Variants in LRIF1 observed in about 807,000 individuals in gnomAD.
LRIF1 encodes ligand dependent nuclear receptor interacting factor 1, also known as ligand-dependent nuclear receptor-interacting factor 1.
LRIF1 carries 32 observed loss-of-function variants against 52.7 expected under a neutral mutation model. The ratio of observed to expected loss-of-function variants is 0.61; its 90% confidence interval spans 0.46 to 0.82. The LOEUF is 0.82. Ranked by LOEUF, LRIF1 falls within the 40% of genes least tolerant of loss-of-function variation. LRIF1 has a pLI of 0.00. For missense variants in LRIF1, 887 were observed against 892.0 expected (o/e 0.99, Z 0.07); for synonymous variants, 323 against 317.4 (o/e 1.02, Z -0.19).
At chr1:110,958,430 T>C (rs544688558) in intron 1 of LRIF1, among the ~76,000 whole-genome samples, 5 of 145,098 alleles carry the variant, frequency 3.4e-5, no homozygotes, top group African/African-American at 1.3e-4. Context: ...GCTTTCTTTA[T>C]TGACTTTAAT....
the LRIF1 span, among the ~76,000 whole-genome samples, chr1:110,882,260 G>A: frequency 3.3e-5 from 5 of 152,012 alleles, no homozygotes; most frequent in Admixed American, 2.0e-4. Context: ...CACTAGTTAC[G>A]ATTTCGTATG....
chr1:110,961,247 G>C (rs1658935743), intron 1 of LRIF1, among the ~76,000 whole-genome samples: 1 of 151,884 alleles, frequency 6.6e-6, no homozygotes, highest in Admixed American at 6.6e-5. Flanking sequence ...GTTTTCCCTG[G>C]CAACAGCCCA....
At chr1:110,956,243 TATGAATTTATAGTGGTA>T (rs1658695925) in intron 1 of LRIF1, among the ~76,000 whole-genome samples, 1 of 152,118 alleles carries the variant, frequency 6.6e-6, no homozygotes, top group African/African-American at 2.4e-5. Flanking sequence ...AGGTAGTGGT[TATGAATTTATAGTGGTA>T]CTAATCTGTA....
chr1:110,926,885 A>G, the LRIF1 span, among the ~76,000 whole-genome samples: 8 of 152,344 alleles, frequency 5.3e-5, no homozygotes, highest in East Asian at 1.5e-3. Context: ...TAATTAAGAC[A>G]TAAGTGTGCA....
rs185215613 is a variant in LRIF1 at position 110,950,354 on chromosome 1, A to G, written c.1597-231T>C. On this transcript the variant is annotated intron_variant, in intron 2 of 3. Transcript: ENST00000369763. ...ATTAATTTGTTGCACTAGAAAGGTAATAAGTAGTCAATTCTAAAACAACTA... is the reference window on the plus strand; with the variant it reads ...ATTAATTTGTTGCACTAGAAAGGTAGTAAGTAGTCAATTCTAAAACAACTA... 1.3e-3 allele frequency among the ~76,000 whole-genome samples: 198 copies of G among 152,350 alleles called. 1 individual carries two copies. The highest frequency in any genetic ancestry group is 9.8e-3 in the Admixed American group (150 of 15,310).
the LRIF1 span, among the ~76,000 whole-genome samples, chr1:110,886,846 A>AAGATATATATATATATAT: frequency 5.0e-4 from 50 of 100,984 alleles, 1 homozygote; most frequent in Admixed American, 4.7e-4. Flanking sequence ...CTCTGTCTCC[A>AAGATATATATATATATAT]ATATATATAT....
chr1:110,892,431 C>T, the LRIF1 span: 1 of 1,613,984 alleles, frequency 6.2e-7, no homozygotes, highest in South Asian at 1.1e-5. Context: ...TCCCCTCCCT[C>T]ACGCTGGGCA....
chr1:110,914,701 C>T, the LRIF1 span, among the ~76,000 whole-genome samples: 4 of 151,910 alleles, frequency 2.6e-5, no homozygotes, highest in Non-Finnish European at 4.4e-5. Flanking sequence ...TGCAGTGAGT[C>T]GAGATCACAC....
At position 110,948,293 on chromosome 1, in the gene LRIF1, T is replaced by A. The variant is rs374381226; in HGVS notation, c.1976A>T (p.Asn659Ile). The A allele has an allele frequency of 1.2e-6, 2 of 1,614,148 alleles. No individual in the cohort carries two copies. Among genetic ancestry groups the A allele is most frequent in the Non-Finnish European group, 8.5e-7 (1 of 1,180,006 alleles). ...AYNAIINGEANVTGSQLLSSI... is the reference protein window; with the variant it reads ...AYNAIINGEAIVTGSQLLSSI... The stretch of plus-strand genomic sequence containing the variant: ...GCTTAGGAGTTGGGAACCGGTGACA[T>A]TAGCTTCCCCATTTATGATTGCGTT... The change falls in exon 4 of 4, where the codon AAT (asparagine) becomes ATT (isoleucine). Residue 659 changes from asparagine (N) to isoleucine (I), a missense_variant. Coordinates refer to ENST00000369763, the MANE Select transcript of LRIF1 (RefSeq NM_018372.4).
At chr1:110,897,047 G>A in the LRIF1 span, among the ~76,000 whole-genome samples, 1 of 152,226 alleles carries the variant, frequency 6.6e-6, no homozygotes, top group African/African-American at 2.4e-5. Context: ...GTCTCCTTAT[G>A]GTTAAAGTGA....
At chr1:110,910,704 A>G in the LRIF1 span, among the ~76,000 whole-genome samples, 17 of 152,242 alleles carry the variant, frequency 1.1e-4, no homozygotes, top group Non-Finnish European at 1.9e-4. Context: ...ACGATTTCTC[A>G]AAACCACATA....
the LRIF1 span, among the ~76,000 whole-genome samples, chr1:110,893,900 C>A: frequency 6.6e-6 from 1 of 152,154 alleles, no homozygotes; most frequent in African/African-American, 2.4e-5. Context: ...TTCTTTCTAC[C>A]ATTGTACAGG....
downstream of LRIF1, among the ~76,000 whole-genome samples, chr1:110,946,023 T>C (rs943137750): frequency 6.6e-6 from 1 of 152,190 alleles, no homozygotes; most frequent in African/African-American, 2.4e-5. Context: ...TGAAAATATA[T>C]ACCCATTAAA....
At position 110,951,899 on chromosome 1, in the gene LRIF1, C is replaced by G; in HGVS notation, c.985G>C (p.Asp329His). 6.2e-7 allele frequency: 1 copy of G among 1,613,982 alleles called. No individual in the cohort carries two copies. The highest frequency in any genetic ancestry group is 2.2e-5 in the East Asian group (1 of 44,882). ...AATGGTGGCATATTTATAGTATTAT[C>G]TCCCAAATTTTTCCTATCTACAAAA... ...KTFVDRKNLG[D>H]NTINMPPLST... is the part of the protein sequence containing the mutation. Residue 329 changes from aspartate (D) to histidine (H), a missense_variant, in exon 2 of 4, where the codon GAT becomes CAT. By Grantham distance (81) the Asp-to-His change is moderately conservative (BLOSUM62 -1). Transcript: ENST00000369763.
the LRIF1 span, among the ~76,000 whole-genome samples, chr1:110,909,865 G>A: frequency 6.6e-6 from 1 of 152,098 alleles, no homozygotes; most frequent in Non-Finnish European, 1.5e-5. Flanking sequence ...ACAGGTGTGA[G>A]CCACTGCGCC....
In LRIF1 at chr1:110,952,256, G is replaced by T. The variant is rs999949876; in HGVS notation, c.628C>A (p.Leu210Ile). ...SLPPSVQQKI[L>I]ATATTSTSGM... ...GAGGTACTGGTGGTGGCAGTTGCAAGTATCTTTTGCTGCACTGAAGGAGGC... is the reference window on the plus strand; with the variant it reads ...GAGGTACTGGTGGTGGCAGTTGCAATTATCTTTTGCTGCACTGAAGGAGGC... Residue 210 changes from leucine (L) to isoleucine (I), a missense_variant, in exon 2 of 4, where the codon CTT becomes ATT. Coordinates refer to ENST00000369763, the MANE Select transcript of LRIF1 (RefSeq NM_018372.4). The T allele has an allele frequency of 6.2e-7, 1 of 1,614,214 alleles. No homozygotes were observed. Among genetic ancestry groups the T allele is most frequent in the Non-Finnish European group, 8.5e-7 (1 of 1,180,038 alleles).
Position 110,952,176 on chromosome 1 carries a change from A to G in LRIF1, c.708T>C (p.Asn236=). 1.9e-6 allele frequency: 3 copies of G among 1,614,170 alleles called. No homozygotes were observed. The highest frequency in any genetic ancestry group is 2.5e-6 in the Non-Finnish European group (3 of 1,180,014). ...TCTTGGTAACTACATTTTTCACTGT[A>G]TTTACAGGAGATACATAAATAACGG... is the stretch of plus-strand genomic sequence containing the variant. ...MPTVIYVSPV[N]TVKNVVTKNF... is the part of the protein sequence containing the mutation. The change falls in exon 2 of 4, where the codon AAT becomes AAC. Residue 236 remains asparagine, a synonymous_variant. Transcript: ENST00000369763.
chr1:110,916,571 A>G, the LRIF1 span, among the ~76,000 whole-genome samples: 2 of 152,180 alleles, frequency 1.3e-5, no homozygotes, highest in Admixed American at 6.5e-5. Flanking sequence ...AAGAGTCAAC[A>G]CTAACATCTT....
chr1:110,951,837 A>G lies in LRIF1; in HGVS notation c.1047T>C (p.Asn349=), dbSNP rs757213733. The change falls in exon 2 of 4, where the codon AAT becomes AAC. Residue 349 remains asparagine, a synonymous_variant. Transcript: ENST00000369763. ...TIDPSGTRSK[N]MPIKDNALVM... is the part of the protein sequence containing the mutation. Reference sequence around the variant, plus strand: ...CCAAAGCATTATCTTTAATAGGCATATTTTTGGATCGCGTCCCACTAGGAT... The same window carrying G: ...CCAAAGCATTATCTTTAATAGGCATGTTTTTGGATCGCGTCCCACTAGGAT... 4.5e-5 allele frequency: 73 copies of G among 1,612,960 alleles called. No individual in the cohort carries two copies. Among genetic ancestry groups the G allele is most frequent in the Non-Finnish European group, 6.8e-6 (8 of 1,180,010 alleles).
Sources: allele counts gnomAD v4.1 joint callset (sites outside exome capture counted in the v4.1 genomes callset), GRCh38; gene constraint gnomAD v4.1.1; transcripts MANE v1.5; gene names NCBI Gene and HGNC (gene_info 2026-07-23, HGNC 2026-07-21).